SCG2: variants seen among roughly 807,000 people sequenced by gnomAD.
The protein encoded by SCG2 is secretogranin-2.
Under a neutral mutation model 49.5 loss-of-function variants are expected in SCG2, and 23 were observed. The observed-to-expected ratio is 0.46, with a 90% CI of 0.33 to 0.66. The LOEUF is 0.66. Ranked by LOEUF, SCG2 falls within the 30% of genes least tolerant of loss-of-function variation. SCG2 has a pLI of 0.01. For synonymous variants in SCG2, 288 were observed against 260.4 expected, an observed-to-expected ratio of 1.11 and a Z score of -1.02; for missense variants, 730 against 728.2, an observed-to-expected ratio of 1.00 and a Z score of -0.03.
rs1484679786 is a variant in SCG2 at position 223,597,411 on chromosome 2, G to A, written c.*18C>T. 6.4e-7 allele frequency: 1 copy of A among 1,565,036 alleles called. No homozygotes were observed. Among genetic ancestry groups the A allele is most frequent in the East Asian group, 2.2e-5 (1 of 44,470 alleles). On this transcript the variant is annotated 3_prime_UTR_variant, in exon 2 of 2. Transcript: ENST00000305409. ...TTGGGGTGGGAGGAATGAAAGTAGG[G>A]TAATTAATGAAAGCAGCTTACATAT...
rs1691350687 is a variant in SCG2 at position 223,599,098 on chromosome 2, A to G, written c.185T>C (p.Ile62Thr). 6.2e-7 allele frequency: 1 copy of G among 1,614,092 alleles called. No homozygotes were observed. The highest frequency in any genetic ancestry group is 8.5e-7 in the Non-Finnish European group (1 of 1,180,010). The stretch of plus-strand genomic sequence containing the variant: ...ATGAGCTTGTTGTCGGAGGTTTTCT[A>G]TGTACTCCAAAGCCCTGATCATTTC... ...SPEMIRALEY[I>T]ENLRQQAHKE... Residue 62 changes from isoleucine (I) to threonine (T), a missense_variant, in exon 2 of 2, where the codon ATA becomes ACA. Ile to Thr is a moderately conservative substitution (Grantham distance 89, BLOSUM62 -1). Transcript: ENST00000305409.
Position 223,597,409 on chromosome 2 carries a change from G to A in SCG2, c.*20C>T, listed in dbSNP as rs757718312. 3 of 1,564,266 alleles carry A rather than the reference G, an allele frequency of 1.9e-6. No homozygotes were observed. The highest frequency in any genetic ancestry group is 2.6e-6 in the Non-Finnish European group (3 of 1,155,210). On this transcript the variant is annotated 3_prime_UTR_variant, in exon 2 of 2. Coordinates refer to ENST00000305409, the MANE Select transcript of SCG2 (RefSeq NM_003469.5). The stretch of plus-strand genomic sequence containing the variant: ...GCTTGGGGTGGGAGGAATGAAAGTA[G>A]GGTAATTAATGAAAGCAGCTTACAT...
intron 1 of SCG2, among the ~76,000 whole-genome samples, chr2:223,599,727 C>G (rs1691360957): frequency 6.6e-6 from 1 of 152,154 alleles, no homozygotes; most frequent in African/African-American, 2.4e-5. Flanking sequence ...TTAAAACATG[C>G]ATTTACACAT....
Position 223,597,449 on chromosome 2 carries a change from T to G in SCG2, c.1834A>C (p.Arg612=), listed in dbSNP as rs1691313130. The change falls in exon 2 of 2, where the codon AGA becomes CGA. Residue 612 remains arginine, a synonymous_variant. Transcript: ENST00000305409. ...AEKGREHIAK[R]AMENM ...GCAGCTTACATATTTTCCATTGCTCTCTTAGCAATATGCTCCCTTCCCTTT... is the reference window on the plus strand; with the variant it reads ...GCAGCTTACATATTTTCCATTGCTCGCTTAGCAATATGCTCCCTTCCCTTT... The G allele has an allele frequency of 6.2e-7, 1 of 1,605,642 alleles. No individual in the cohort carries two copies. The highest frequency in any genetic ancestry group is 1.1e-5 in the South Asian group (1 of 89,864).
intron 1 of SCG2, among the ~76,000 whole-genome samples, chr2:223,601,272 A>G (rs976405966): frequency 6.6e-6 from 1 of 152,198 alleles, no homozygotes; most frequent in African/African-American, 2.4e-5. Context: ...CAACAGCTCT[A>G]CTATTCTATA....
Position 223,599,243 on chromosome 2 carries a change from A to T in SCG2, c.40T>A (p.Ser14Thr). 6.2e-7 allele frequency: 1 copy of T among 1,601,694 alleles called. No individual in the cohort carries two copies. Among genetic ancestry groups the T allele is most frequent in the Non-Finnish European group, 8.5e-7 (1 of 1,169,622 alleles). ...AKTHWLGAAL[S>T]LIPLIFLISG... ...ATGAGGAAAATTAAAGGGATAAGAG[A>T]CAGGGCTGCTCCAAGCCAGTGGGTC... is the stretch of plus-strand genomic sequence containing the variant. The change falls in exon 2 of 2, where the codon TCT becomes ACT. Residue 14 changes from serine to threonine, a missense_variant. Coordinates refer to ENST00000305409, the MANE Select transcript of SCG2 (RefSeq NM_003469.5).
intron 1 of SCG2, among the ~76,000 whole-genome samples, chr2:223,600,106 A>G (rs77881097): frequency 9.8e-4 from 149 of 152,356 alleles, no homozygotes; most frequent in African/African-American, 3.5e-3. Context: ...AATTTATATT[A>G]TGACTGTCTT....
chr2:223,601,899 A>G (rs1000998095), intron 1 of SCG2, among the ~76,000 whole-genome samples: 17 of 152,248 alleles, frequency 1.1e-4, no homozygotes, highest in African/African-American at 3.9e-4. Context: ...AATATTAAAC[A>G]TATAAATTAT....
chr2:223,600,501 T>C (rs1178556416), intron 1 of SCG2, among the ~76,000 whole-genome samples: 1 of 152,186 alleles, frequency 6.6e-6, no homozygotes, highest in Non-Finnish European at 1.5e-5. Context: ...AAAAACTATT[T>C]TAATATTGGC....
chr2:223,598,108 T>A lies in SCG2; in HGVS notation c.1175A>T (p.Asp392Val). Residue 392 changes from aspartate (D) to valine (V), a missense_variant, in exon 2 of 2, where the codon GAT becomes GTT. Transcript: ENST00000305409. Reference sequence around the variant, plus strand: ...GTCTAAGTCAGCCTCTGAGATGTCATCTAGGTCAACAGGAAGGTCAAGCTC... The same window carrying A: ...GTCTAAGTCAGCCTCTGAGATGTCAACTAGGTCAACAGGAAGGTCAAGCTC... ...ERELDLPVDL[D>V]DISEADLDHP... 6.2e-7 allele frequency: 1 copy of A among 1,608,614 alleles called. No individual in the cohort carries two copies. Among genetic ancestry groups the A allele is most frequent in the Non-Finnish European group, 8.5e-7 (1 of 1,177,132 alleles).
Position 223,598,765 on chromosome 2 carries a change from T to C in SCG2, c.518A>G (p.Asn173Ser), listed in dbSNP as rs567390059. Reference sequence around the variant, plus strand: ...GCGTTTAAAGGGGTTATCCCTGGAATTCTCTTCATACATAGGAGGGAATTG... The same window carrying C: ...GCGTTTAAAGGGGTTATCCCTGGAACTCTCTTCATACATAGGAGGGAATTG... ...HMQFPPMYEE[N>S]SRDNPFKRTN... The change falls in exon 2 of 2, where the codon AAT (asparagine) becomes AGT (serine). Residue 173 changes from asparagine to serine, a missense_variant. Coordinates refer to ENST00000305409, the MANE Select transcript of SCG2 (RefSeq NM_003469.5). The C allele has an allele frequency of 3.7e-6, 6 of 1,613,886 alleles. No homozygotes were observed. Among genetic ancestry groups the C allele is most frequent in the Non-Finnish European group, 5.1e-6 (6 of 1,180,052 alleles).
In SCG2 at chr2:223,599,009, C is replaced by A. The variant is rs1043532580; in HGVS notation, c.274G>T (p.Glu92Ter). The A allele has an allele frequency of 6.2e-7, 1 of 1,614,026 alleles. No homozygotes were observed. The highest frequency in any genetic ancestry group is 1.3e-5 in the African/African-American group (1 of 74,924). Residue 92 changes from glutamate (E) to a stop codon, truncating the protein, a stop_gained, in exon 2 of 2, where the codon GAA becomes TAA. Coordinates refer to ENST00000305409, the MANE Select transcript of SCG2 (RefSeq NM_003469.5). LOFTEE classifies it high-confidence loss of function. Reference protein sequence around the residue: ...QGVSVPLQQKENGDESHLPER... With the variant: ...QGVSVPLQQK The stretch of plus-strand genomic sequence containing the variant: ...GGCAAGTGGCTTTCATCGCCATTTT[C>A]TTTTTGCTGAAGGGGGACAGAGACA...
In SCG2 at chr2:223,598,095, C is replaced by A; in HGVS notation, c.1188G>T (p.Glu396Asp). The A allele has an allele frequency of 6.2e-7, 1 of 1,605,740 alleles. No homozygotes were observed. The highest frequency in any genetic ancestry group is 8.5e-7 in the Non-Finnish European group (1 of 1,175,804). ...ACAGGTCTGGATGGTCTAAGTCAGC[C>A]TCTGAGATGTCATCTAGGTCAACAG... Reference protein sequence around the residue: ...DLPVDLDDISEADLDHPDLFQ... With the variant: ...DLPVDLDDISDADLDHPDLFQ... Residue 396 changes from glutamate to aspartate, a missense_variant, in exon 2 of 2, where the codon GAG (glutamate) becomes GAT (aspartate). Physicochemically the swap from Glu to Asp is conservative, Grantham distance 45. Transcript: ENST00000305409.
At chr2:223,599,632 T>C (rs1450077096) in intron 1 of SCG2, among the ~76,000 whole-genome samples, 1 of 152,242 alleles carries the variant, frequency 6.6e-6, no homozygotes, top group East Asian at 1.9e-4. Flanking sequence ...GTTGTTTCTC[T>C]ATAATAAAGC....
rs778708795 is a variant in SCG2 at position 223,597,457 on chromosome 2, A to T, written c.1826T>A (p.Ile609Asn). ...QEKAEKGREH[I>N]AKRAMENM is the part of the protein sequence containing the mutation. Reference sequence around the variant, plus strand: ...CATATTTTCCATTGCTCTCTTAGCAATATGCTCCCTTCCCTTTTCTGCCTT... The same window carrying T: ...CATATTTTCCATTGCTCTCTTAGCATTATGCTCCCTTCCCTTTTCTGCCTT... The change falls in exon 2 of 2, where the codon ATT becomes AAT. Residue 609 changes from isoleucine to asparagine, a missense_variant. Coordinates refer to ENST00000305409, the MANE Select transcript of SCG2 (RefSeq NM_003469.5). 3 of 1,610,184 alleles carry T rather than the reference A, an allele frequency of 1.9e-6. No homozygotes were observed. Among genetic ancestry groups the T allele is most frequent in the South Asian group, 2.2e-5 (2 of 90,474 alleles).
Position 223,598,663 on chromosome 2 carries a change from T to C in SCG2, c.620A>G (p.Lys207Arg). 6.2e-7 allele frequency: 1 copy of C among 1,614,090 alleles called. No homozygotes were observed. The highest frequency in any genetic ancestry group is 8.5e-7 in the Non-Finnish European group (1 of 1,180,030). Reference sequence around the variant, plus strand: ...TTTCTGGTTGTTTGGTCCTGTCAGTTTCCCCAGCTCTTGGAAGACAGATTC... The same window carrying C: ...TTTCTGGTTGTTTGGTCCTGTCAGTCTCCCCAGCTCTTGGAAGACAGATTC... ...TLESVFQELG[K>R]LTGPNNQKRE... is the part of the protein sequence containing the mutation. Residue 207 changes from lysine (K) to arginine (R), a missense_variant, in exon 2 of 2, where the codon AAA becomes AGA. Transcript: ENST00000305409.
Position 223,598,452 on chromosome 2 carries a change from T to C in SCG2, c.831A>G (p.Gln277=). 5.0e-6 allele frequency: 8 copies of C among 1,614,068 alleles called. No homozygotes were observed. The highest frequency in any genetic ancestry group is 5.1e-6 in the Non-Finnish European group (6 of 1,180,012). ...CTGAGCGTTTCATCTCATCGTTGAT[T>C]TGTTCATTTTTTTCTATATTCTCTT... ...DSKENIEKNE[Q]INDEMKRSGQ... is the part of the protein sequence containing the mutation. Residue 277 remains glutamine, a synonymous_variant, in exon 2 of 2, where the codon CAA becomes CAG. Coordinates refer to ENST00000305409, the MANE Select transcript of SCG2 (RefSeq NM_003469.5).
At chr2:223,599,741 C>T (rs765961022) in intron 1 of SCG2, among the ~76,000 whole-genome samples, 30 of 152,238 alleles carry the variant, frequency 2.0e-4, no homozygotes, top group African/African-American at 3.1e-4. Context: ...TACACATACG[C>T]GCCCACAAAT....
At chr2:223,600,872 T>C (rs1323489624) in intron 1 of SCG2, among the ~76,000 whole-genome samples, 1 of 152,182 alleles carries the variant, frequency 6.6e-6, no homozygotes. Context: ...ATTTTATTCA[T>C]AAAATAATGA....
Sources: allele counts gnomAD v4.1 joint callset (sites outside exome capture counted in the v4.1 genomes callset), GRCh38; gene constraint gnomAD v4.1.1; transcripts MANE v1.5; gene names NCBI Gene and HGNC (gene_info 2026-07-23, HGNC 2026-07-21).